Variants in DISC1 observed in about 807,000 individuals in gnomAD.
DISC1 encodes the protein disrupted in schizophrenia 1 protein.
DISC1 carries 57 observed loss-of-function variants against 84.5 expected under a neutral mutation model. That is an observed-to-expected ratio of 0.67 (90% CI 0.55 to 0.84). DISC1 has a LOEUF of 0.84. DISC1 is among the 40% of genes least tolerant of loss of function. The pLI, the probability that DISC1 is intolerant of heterozygous loss-of-function variation, is 0.00. For synonymous variants in DISC1, 411 were observed against 415.2 expected (o/e 0.99, Z 0.12); for missense variants, 1,000 against 1,057.8 (o/e 0.95, Z 0.76).
intron 6 of DISC1, among the ~76,000 whole-genome samples, chr1:231,780,094 G>C (rs528793435): frequency 4.1e-4 from 63 of 151,932 alleles, no homozygotes; most frequent in Non-Finnish European, 8.1e-4. Flanking sequence ...TTGTGGGCTG[G>C]GGGGAGGGGC....
At chr1:231,899,236 G>A (rs772220042) in intron 9 of DISC1, among the ~76,000 whole-genome samples, 2 of 152,176 alleles carry the variant, frequency 1.3e-5, no homozygotes, top group Admixed American at 6.5e-5. Flanking sequence ...GATAGTATGC[G>A]TCAGAGTCAC....
intron 3 of DISC1, chr1:231,721,001 G>A (rs1435755411): frequency 9.3e-6 from 12 of 1,290,774 alleles, no homozygotes; most frequent in Middle Eastern, 2.1e-4. Flanking sequence ...CTGTGGATAC[G>A]GATCATGAAA....
chr1:231,896,448 T>C (rs971111137), intron 9 of DISC1, among the ~76,000 whole-genome samples: 7 of 152,206 alleles, frequency 4.6e-5, no homozygotes, highest in South Asian at 4.1e-4. Context: ...TCTGACACTT[T>C]TGAAAAAGAA....
chr1:232,040,784 G>A lies in DISC1; in HGVS notation c.*3953G>A, dbSNP rs1242298173. The A allele has an allele frequency of 6.6e-6, 1 of 152,184 alleles. No individual in the cohort carries two copies. Among genetic ancestry groups the A allele is most frequent in the Non-Finnish European group, 1.5e-5 (1 of 68,038 alleles). 9.4% of individuals were successfully genotyped at this position (152,184 alleles called of 1,614,324 possible). A position where few individuals can be genotyped will look rare whatever the true frequency, so the allele number is the denominator to read the frequency against. On this transcript the variant is annotated 3_prime_UTR_variant, in exon 13 of 13. Transcript: ENST00000439617. ...ACTGCCAGGGGAGCCTCACTGTGAA[G>A]TCTAGGCTCAGACAGGCATCAACAA...
intron 1 of DISC1, among the ~76,000 whole-genome samples, chr1:231,667,728 A>G (rs770463396): frequency 6.6e-6 from 1 of 152,232 alleles, no homozygotes; most frequent in African/African-American, 2.4e-5. Flanking sequence ...CAGAATAGTT[A>G]CTACTTTGAA....
rs1178923248 is a variant in DISC1, at chr1:232,038,219, A to T, written c.*1388A>T. The T allele has an allele frequency of 6.6e-6, 1 of 152,070 alleles. No individual in the cohort carries two copies. The highest frequency in any genetic ancestry group is 1.9e-4 in the East Asian group (1 of 5,178). The allele number at this position is 152,070 out of a possible 1,614,324, so 9.4% of individuals were successfully genotyped here. A position where few individuals can be genotyped will look rare whatever the true frequency, so the allele number is the denominator to read the frequency against. ...TCAGTACTATAAGTACTGAGTACTT[A>T]TATAGGCAATGTAGTACTCAGTAAA... On this transcript the variant is annotated 3_prime_UTR_variant, in exon 13 of 13. Coordinates refer to ENST00000439617, the MANE Select transcript of DISC1 (RefSeq NM_018662.3).
At chr1:231,853,238 TAATC>T (rs1264388230) in intron 9 of DISC1, among the ~76,000 whole-genome samples, 1 of 152,208 alleles carries the variant, frequency 6.6e-6, no homozygotes, top group Admixed American at 6.5e-5. Flanking sequence ...AGAAACAAAA[TAATC>T]AAATACAGTC....
chr1:231,971,596 A>G (rs919648171), intron 10 of DISC1, among the ~76,000 whole-genome samples: 2 of 152,184 alleles, frequency 1.3e-5, no homozygotes, highest in Non-Finnish European at 2.9e-5. Context: ...CTGTGAGAAC[A>G]TTAGTTACAA....
intron 11 of DISC1, among the ~76,000 whole-genome samples, chr1:232,019,950 T>C (rs1668804831): frequency 6.6e-6 from 1 of 152,158 alleles, no homozygotes; most frequent in African/African-American, 2.4e-5. Flanking sequence ...AATTGAGACT[T>C]TGCAGAGTTC....
chr1:231,743,866 T>C (rs1407453956), intron 3 of DISC1, among the ~76,000 whole-genome samples: 2 of 152,196 alleles, frequency 1.3e-5, no homozygotes, highest in Non-Finnish European at 2.9e-5. Flanking sequence ...TGAATGTCTT[T>C]CACTTAACAG....
At chr1:231,960,377 C>A (rs1483886614) in intron 10 of DISC1, among the ~76,000 whole-genome samples, 1 of 152,134 alleles carries the variant, frequency 6.6e-6, no homozygotes, top group Non-Finnish European at 1.5e-5. Context: ...TCTCAGCTTC[C>A]CAAGTAGCTT....
At chr1:231,729,351 A>G (rs1044938942) in intron 3 of DISC1, among the ~76,000 whole-genome samples, 4 of 152,246 alleles carry the variant, frequency 2.6e-5, no homozygotes, top group African/African-American at 9.6e-5. Context: ...CTTTGGGTAT[A>G]TACCCAGTAA....
chr1:231,855,329 A>C (rs556987350), intron 9 of DISC1: 1 of 954,812 alleles, frequency 1.0e-6, no homozygotes, highest in Non-Finnish European at 1.2e-6. Context: ...AATACATACA[A>C]TTTTTGTCAA....
intron 9 of DISC1, among the ~76,000 whole-genome samples, chr1:231,851,422 C>T (rs989505234): frequency 2.0e-5 from 3 of 152,134 alleles, no homozygotes; most frequent in Non-Finnish European, 4.4e-5. Context: ...TTCTGCAAAA[C>T]CTGCTATAAA....
At chr1:231,872,709 A>G (rs970725351) in intron 9 of DISC1, among the ~76,000 whole-genome samples, 1 of 152,106 alleles carries the variant, frequency 6.6e-6, no homozygotes, top group African/African-American at 2.4e-5. Context: ...AAACCAATCC[A>G]GATGACAGGC....
chr1:231,831,489 T>A (rs56174874), intron 9 of DISC1, among the ~76,000 whole-genome samples: 2 of 150,150 alleles, frequency 1.3e-5, no homozygotes, highest in Non-Finnish European at 1.5e-5. Flanking sequence ...TGGGAATGAC[T>A]GATGTGAAGG....
intron 6 of DISC1, chr1:231,771,558 G>A (rs1447360298): frequency 2.0e-6 from 2 of 985,276 alleles, no homozygotes; most frequent in Non-Finnish European, 2.4e-6. Context: ...CATGTACCAG[G>A]CAGTGTTATA....
chr1:231,715,873 C>T (rs2068637634), intron 3 of DISC1, among the ~76,000 whole-genome samples: 1 of 152,122 alleles, frequency 6.6e-6, no homozygotes, highest in South Asian at 2.1e-4. Context: ...TGTCTCTGTA[C>T]CTCTGGATGA....
chr1:231,827,644 A>G (rs2081953985), intron 9 of DISC1, among the ~76,000 whole-genome samples: 1 of 152,212 alleles, frequency 6.6e-6, no homozygotes, highest in South Asian at 2.1e-4. Flanking sequence ...TAAAAGAGAG[A>G]GAGCATGCTG....
Sources: gnomAD v4.1 joint callset for allele counts (sites outside exome capture counted in the v4.1 genomes callset) on GRCh38, gnomAD v4.1.1 for gene constraint, MANE v1.5 for transcripts, NCBI Gene and HGNC (gene_info 2026-07-23, HGNC 2026-07-21) for gene names.